DYNC2H1: variants seen among roughly 807,000 people sequenced by gnomAD.
DYNC2H1 encodes the protein dynein cytoplasmic 2 heavy chain 1.
In DYNC2H1, 410 loss-of-function variants were observed where a neutral mutation model predicts 570.0. The observed-to-expected ratio is 0.72, with a 90% CI of 0.66 to 0.78. DYNC2H1 has a LOEUF of 0.78. Ranked by LOEUF, DYNC2H1 falls within the 30% of genes least tolerant of loss-of-function variation. DYNC2H1 has a pLI of 0.00. For synonymous variants in DYNC2H1, 1,688 were observed against 1,677.6 expected (o/e 1.01, Z -0.15); for missense variants, 4,865 against 5,046.4 (o/e 0.96, Z 1.09).
chr11:103,116,643 A>G lies in DYNC2H1; in HGVS notation c.695A>G (p.Asp232Gly), dbSNP rs1326645165. 6.2e-7 allele frequency: 1 copy of G among 1,610,460 alleles called. No homozygotes were observed. Among genetic ancestry groups the G allele is most frequent in the South Asian group, 1.1e-5 (1 of 90,576 alleles). ...DLVETTQDVVDDVWRQTEHDH... is the reference protein window; with the variant it reads ...DLVETTQDVVGDVWRQTEHDH... The stretch of plus-strand genomic sequence containing the variant: ...GTGGAGACTACTCAGGATGTTGTAG[A>G]TGATGTGTGGAGACAAACAGAACAT... The change falls in exon 5 of 89, where the codon GAT becomes GGT. Residue 232 changes from aspartate to glycine, a missense_variant. Asp to Gly is a moderately conservative substitution (Grantham distance 94). Transcript: ENST00000375735.
chr11:103,211,981 A>G (rs745699397), intron 54 of DYNC2H1, 38 bp downstream of exon 54: 16 of 1,452,108 alleles, frequency 1.1e-5, no homozygotes, highest in Middle Eastern at 2.3e-4. Context: ...TTATCTATAT[A>G]TAGGAAACAA....
chr11:103,357,865 G>A (rs116948067), intron 82 of DYNC2H1, among the ~76,000 whole-genome samples: 2,936 of 152,220 alleles, frequency 0.019, 156 homozygotes, highest in East Asian at 0.17. Flanking sequence ...TGGGAGGATC[G>A]CTTGAGCCCA....
chr11:103,164,881 T>C (rs1282912035), intron 30 of DYNC2H1, among the ~76,000 whole-genome samples: 3 of 152,162 alleles, frequency 2.0e-5, no homozygotes, highest in East Asian at 3.8e-4. Flanking sequence ...ATTTATAATA[T>C]AGAAATTCAG....
At chr11:103,467,639 T>C (rs1343181303) in intron 87 of DYNC2H1, among the ~76,000 whole-genome samples, 1 of 152,084 alleles carries the variant, frequency 6.6e-6, no homozygotes, top group African/African-American at 2.4e-5. Flanking sequence ...CCGGATTCAC[T>C]CCATTCTCCT....
chr11:103,152,032 T>C, intron 20 of DYNC2H1, 104 bp from the exon 21 acceptor site: 1 of 1,245,864 alleles, frequency 8.0e-7, no homozygotes, highest in Admixed American at 2.8e-5. Flanking sequence ...AAAATCTTAA[T>C]TTAAAAAATA....
chr11:103,293,118 T>A (rs1183103171), intron 75 of DYNC2H1, among the ~76,000 whole-genome samples: 1 of 152,202 alleles, frequency 6.6e-6, no homozygotes, highest in Non-Finnish European at 1.5e-5. Context: ...TTGGTGACAT[T>A]TTTTAGCTTT....
chr11:103,225,921 G>T (rs1443755162), intron 59 of DYNC2H1, among the ~76,000 whole-genome samples: 1 of 149,364 alleles, frequency 6.7e-6, no homozygotes, highest in African/African-American at 2.4e-5. Flanking sequence ...TCATTTGTTT[G>T]TAACCATATC....
intron 84 of DYNC2H1, among the ~76,000 whole-genome samples, chr11:103,425,575 G>C (rs879941606): frequency 1.3e-5 from 2 of 152,012 alleles, no homozygotes; most frequent in African/African-American, 4.8e-5. Context: ...TCAACAAGAC[G>C]TCTGAGGGGA....
At chr11:103,141,170 A>T (rs2134816224) in intron 17 of DYNC2H1, among the ~76,000 whole-genome samples, 1 of 152,214 alleles carries the variant, frequency 6.6e-6, no homozygotes, top group South Asian at 2.1e-4. Context: ...TGTAGCTCAG[A>T]GTAATTTGAT....
At position 103,122,871 on chromosome 11, in the gene DYNC2H1, C is replaced by G; in HGVS notation, c.1532C>G (p.Pro511Arg). 1 of 1,613,204 alleles carries G rather than the reference C, an allele frequency of 6.2e-7. No homozygotes were observed. The highest frequency in any genetic ancestry group is 8.5e-7 in the Non-Finnish European group (1 of 1,179,560). ...GCAGAGGCTCTTTTATCTGACTTGC[C>G]AGGATTTCGATGTTTCCATCAAAGT... ...KIAEALLSDL[P>R]GFRCFHQSAK... Residue 511 changes from proline (P) to arginine (R), a missense_variant, in exon 11 of 89, where the codon CCA becomes CGA. This residue lies in a region of DYNC2H1 where 1,936 missense variants were observed against 1,962.1 expected (regional missense o/e 0.99). Transcript: ENST00000375735.
At chr11:103,247,761 A>G (rs1348917103) in intron 65 of DYNC2H1, among the ~76,000 whole-genome samples, 2 of 152,050 alleles carry the variant, frequency 1.3e-5, no homozygotes, top group Non-Finnish European at 2.9e-5. Context: ...CAGGAACACT[A>G]CTTGAAGTGA....
intron 24 of DYNC2H1, 99 bp from the exon 25 acceptor site, chr11:103,155,232 T>A (rs1860757243): frequency 9.0e-7 from 1 of 1,109,290 alleles, no homozygotes; most frequent in African/African-American, 1.7e-5. Flanking sequence ...AATTAAAATT[T>A]TGGTAACTAA....
chr11:103,453,635 TATATATAC>T (rs960903468), intron 85 of DYNC2H1, among the ~76,000 whole-genome samples: 4 of 106,744 alleles, frequency 3.7e-5, no homozygotes, highest in Admixed American at 1.2e-4. Flanking sequence ...TATATATATA[TATATATAC>T]ACACATTCAT....
chr11:103,172,536 A>G (rs1591357573), intron 34 of DYNC2H1, among the ~76,000 whole-genome samples: 1 of 152,050 alleles, frequency 6.6e-6, no homozygotes, highest in East Asian at 1.9e-4. Context: ...TTGCCCATTC[A>G]TTATTTACAC....
At position 103,264,963 on chromosome 11, in the gene DYNC2H1, G is replaced by GC. The variant is rs1865449917; in HGVS notation, c.10695+4986_10695+4987insC. Among the ~76,000 whole-genome samples, 1 of 152,128 alleles carries GC rather than the reference G, an allele frequency of 6.6e-6. No individual in the cohort carries two copies. The highest frequency in any genetic ancestry group is 6.5e-5 in the Admixed American group (1 of 15,268). ...TGGAGATGACATGATTGTATATTTA[G>GC]AAAACCCCATCGTCTCAGCCCAAAA... On this transcript the variant is annotated intron_variant, in intron 70 of 88. Coordinates refer to ENST00000375735, the MANE Select transcript of DYNC2H1 (RefSeq NM_001377.3). The surrounding 1 kb of genome is among the most constrained non-coding windows in gnomAD (Gnocchi z 4.8).
At chr11:103,229,544 G>A (rs1223525499) in intron 59 of DYNC2H1, among the ~76,000 whole-genome samples, 1 of 151,406 alleles carries the variant, frequency 6.6e-6, no homozygotes, top group African/African-American at 2.4e-5. Context: ...TTCTGTTTAC[G>A]TATCACAAAT....
rs775710479 is a variant in DYNC2H1, at chr11:103,147,996, C to T, written c.2818+109C>T. 77 of 754,684 alleles carry T rather than the reference C, an allele frequency of 1.0e-4. No homozygotes were observed. The Middle Eastern group carries it at 2.7e-3, about 26-fold the overall frequency. The allele number at this position is 754,684 out of a possible 1,614,324, so 46.7% of individuals were successfully genotyped here. ...ATGATCATTAAAAACCAAAACTGAA[C>T]TAATTTAAAAAAAGCAGGAAAAGTC... On this transcript the variant is annotated intron_variant, in intron 19 of 88. Coordinates refer to ENST00000375735, the MANE Select transcript of DYNC2H1 (RefSeq NM_001377.3).
At position 103,286,427 on chromosome 11, in the gene DYNC2H1, G is replaced by A. The variant is rs748556429; in HGVS notation, c.11022+41G>A. 1.9e-6 allele frequency: 3 copies of A among 1,594,484 alleles called. No individual in the cohort carries two copies. The South Asian group carries it at 3.4e-5, about 18-fold the overall frequency. ...ATCTAAATGCAAAAAAGTGTTTAATGTTTCTCTTATTATTCAGAAGCCATT... is the reference window on the plus strand; with the variant it reads ...ATCTAAATGCAAAAAAGTGTTTAATATTTCTCTTATTATTCAGAAGCCATT... On this transcript the variant is annotated intron_variant, in intron 74 of 88. Transcript: ENST00000375735.
At chr11:103,346,142 G>A (rs935050139) in intron 82 of DYNC2H1, among the ~76,000 whole-genome samples, 1 of 152,112 alleles carries the variant, frequency 6.6e-6, no homozygotes, top group African/African-American at 2.4e-5. Context: ...TTAATTGCTA[G>A]TGTAATAATT....
Sources: gnomAD v4.1 joint callset for allele counts (sites outside exome capture counted in the v4.1 genomes callset) on GRCh38, gnomAD v4.1.1 for gene constraint, gnomAD v4.1.1 regional missense constraint, Gnocchi (gnomAD v3.1) non-coding constraint, MANE v1.5 for transcripts, NCBI Gene and HGNC (gene_info 2026-07-23, HGNC 2026-07-21) for gene names.